Variants in LRRTM4 observed in about 807,000 individuals in gnomAD.
The protein encoded by LRRTM4 is leucine-rich repeat transmembrane neuronal protein 4.
In LRRTM4, 25 loss-of-function variants were observed where a neutral mutation model predicts 47.6. That is an observed-to-expected ratio of 0.53 (90% CI 0.38 to 0.73). LRRTM4 has a LOEUF of 0.73. Among genes scored for constraint, LRRTM4 ranks in the 30% least tolerant of loss-of-function variants. LRRTM4 has a pLI of 0.00. For synonymous variants in LRRTM4, 311 were observed against 269.5 expected, an observed-to-expected ratio of 1.15 and a Z score of -1.51; for missense variants, 638 against 713.4, an observed-to-expected ratio of 0.89 and a Z score of 1.20.
intron 3 of LRRTM4, among the ~76,000 whole-genome samples, chr2:77,093,183 G>A (rs1029287553): frequency 2.7e-5 from 4 of 148,070 alleles, no homozygotes; most frequent in South Asian, 2.1e-4. Flanking sequence ...TTACACTGCC[G>A]GTTTACACTG....
chr2:77,158,803 G>A (rs749022560), intron 3 of LRRTM4, among the ~76,000 whole-genome samples: 1 of 150,270 alleles, frequency 6.7e-6, no homozygotes. Flanking sequence ...TTTCTATTAA[G>A]TGCAGAACTA....
At chr2:76,880,053 T>C (rs1166088578) in intron 3 of LRRTM4, among the ~76,000 whole-genome samples, 7 of 152,354 alleles carry the variant, frequency 4.6e-5, no homozygotes, top group East Asian at 3.9e-4. Context: ...TGAGATGGAA[T>C]CTACTCTTGG....
At chr2:77,086,645 C>CGTTT (rs959179241) in intron 3 of LRRTM4, among the ~76,000 whole-genome samples, 1 of 151,246 alleles carries the variant, frequency 6.6e-6, no homozygotes, top group South Asian at 2.1e-4. Flanking sequence ...GCCTGACTTT[C>CGTTT]GTTTGTTTGT....
At position 77,298,222 on chromosome 2, in the gene LRRTM4, AC is replaced by A. The variant is rs1281565916; in HGVS notation, c.1551+220095del. Among the ~76,000 whole-genome samples the A allele has an allele frequency of 7.9e-5, 12 of 152,276 alleles. No homozygotes were observed. In the East Asian group the frequency reaches 2.3e-3, roughly 29 times the overall value. ...CTAAAAATTACTTCACTTGACAACC[AC>A]TAAAGGAACTTTTTTGTTTTGTTTT... is the stretch of plus-strand genomic sequence containing the variant. On this transcript the variant is annotated intron_variant, in intron 3 of 3. Coordinates refer to ENST00000409884, the MANE Select transcript of LRRTM4 (RefSeq NM_001134745.3).
intron 3 of LRRTM4, among the ~76,000 whole-genome samples, chr2:76,983,918 C>T (rs1436555831): frequency 6.6e-6 from 1 of 152,048 alleles, no homozygotes; most frequent in African/African-American, 2.4e-5. Context: ...AGATGACATG[C>T]ACCTATTTTT....
intron 3 of LRRTM4, among the ~76,000 whole-genome samples, chr2:77,203,383 G>A (rs1411295066): frequency 6.6e-6 from 1 of 152,028 alleles, no homozygotes; most frequent in Non-Finnish European, 1.5e-5. Flanking sequence ...TTCAAGAACT[G>A]GGTCACATGG....
chr2:77,324,116 T>C (rs536840664), intron 3 of LRRTM4, among the ~76,000 whole-genome samples: 6 of 152,128 alleles, frequency 3.9e-5, no homozygotes, highest in Non-Finnish European at 5.9e-5. Context: ...ACATGGGGTT[T>C]TCATTTTTAT....
At position 76,974,093 on chromosome 2, in the gene LRRTM4, T is replaced by A. The variant is rs74433432; in HGVS notation, c.1552-225177A>T. Among the ~76,000 whole-genome samples, 1,286 of 150,150 alleles carry A rather than the reference T, an allele frequency of 8.6e-3. 12 individuals are homozygous for A. The highest frequency in any genetic ancestry group is 0.014 in the Non-Finnish European group (946 of 67,406). On this transcript the variant is annotated intron_variant, in intron 3 of 3. Transcript: ENST00000409884. ...TACCATCCGTTTAAAAAAATGCAGT[T>A]TCTAAAGCTGAATTACATAATTATT...
intron 3 of LRRTM4, among the ~76,000 whole-genome samples, chr2:77,209,686 A>G (rs993429280): frequency 3.1e-4 from 47 of 152,360 alleles, no homozygotes; most frequent in African/African-American, 1.1e-3. Flanking sequence ...AGTGAACTAT[A>G]TAATTTTCTT....
chr2:76,886,670 A>G (rs1305620489), intron 3 of LRRTM4, among the ~76,000 whole-genome samples: 1 of 152,096 alleles, frequency 6.6e-6, no homozygotes, highest in Non-Finnish European at 1.5e-5. Context: ...AAATAGTAAC[A>G]TAACTCTCCT....
At chr2:76,934,316 G>A (rs1347834118) in intron 3 of LRRTM4, among the ~76,000 whole-genome samples, 1 of 152,154 alleles carries the variant, frequency 6.6e-6, no homozygotes, top group African/African-American at 2.4e-5. Context: ...TTAGTGACAT[G>A]GAGTAACTGT....
At chr2:77,165,577 T>G (rs1234235893) in intron 3 of LRRTM4, among the ~76,000 whole-genome samples, 1 of 152,162 alleles carries the variant, frequency 6.6e-6, no homozygotes, top group East Asian at 1.9e-4. Context: ...ACTGGCAAAC[T>G]GAATCCAGCA....
intron 3 of LRRTM4, among the ~76,000 whole-genome samples, chr2:76,969,359 C>A (rs189414123): frequency 2.0e-5 from 3 of 151,704 alleles, no homozygotes. Context: ...GACATGGAGA[C>A]GGAAAAATTC....
intron 3 of LRRTM4, among the ~76,000 whole-genome samples, chr2:77,223,530 T>C (rs912366949): frequency 2.6e-4 from 40 of 152,164 alleles, no homozygotes; most frequent in African/African-American, 7.7e-4. Flanking sequence ...ACAAAATCAA[T>C]GTGCAAAAAT....
intron 3 of LRRTM4, among the ~76,000 whole-genome samples, chr2:77,174,910 T>G (rs1242554650): frequency 6.6e-6 from 1 of 151,838 alleles, no homozygotes; most frequent in Non-Finnish European, 1.5e-5. Context: ...TTTAAAGAAA[T>G]CTTTTGTGCC....
At chr2:77,116,875 A>T (rs373957755) in intron 3 of LRRTM4, among the ~76,000 whole-genome samples, 24 of 152,266 alleles carry the variant, frequency 1.6e-4, no homozygotes, top group South Asian at 1.5e-3. Context: ...AAATTTACCA[A>T]GTTGTGCAAC....
chr2:76,927,982 A>T (rs1674643880), intron 3 of LRRTM4, among the ~76,000 whole-genome samples: 2 of 152,180 alleles, frequency 1.3e-5, no homozygotes, highest in Admixed American at 6.6e-5. Flanking sequence ...AAATGATTCA[A>T]ATAAGCTGAA....
chr2:77,485,629 T>C (rs1017536402), intron 3 of LRRTM4, among the ~76,000 whole-genome samples: 32 of 152,128 alleles, frequency 2.1e-4, no homozygotes, highest in Non-Finnish European at 2.2e-4. Context: ...CAAATAAGGG[T>C]TGTGATATGG....
intron 3 of LRRTM4, among the ~76,000 whole-genome samples, chr2:77,348,049 AT>A (rs1671633335): frequency 6.6e-6 from 1 of 151,254 alleles, no homozygotes; most frequent in Admixed American, 6.6e-5. Flanking sequence ...ACACACACAC[AT>A]ATTTACTTAT....
Sources: allele counts gnomAD v4.1 joint callset (sites outside exome capture counted in the v4.1 genomes callset), GRCh38; gene constraint gnomAD v4.1.1; transcripts MANE v1.5; gene names NCBI Gene and HGNC (gene_info 2026-07-23, HGNC 2026-07-21).